The following OGG1 variants were observed in gnomAD, a reference collection of about 807,000 sequenced individuals.
OGG1 encodes 8-oxoguanine DNA glycosylase.
OGG1 carries 35 observed loss-of-function variants against 42.3 expected under a neutral mutation model. The observed-to-expected ratio is 0.83, with a 90% CI of 0.63 to 1.10. The LOEUF is 1.10. OGG1 is among the 50% of genes least tolerant of loss of function. The pLI is 0.00. For missense variants in OGG1, 484 were observed against 446.7 expected, an observed-to-expected ratio of 1.08 and a Z score of -0.75; for synonymous variants, 189 against 179.0, an observed-to-expected ratio of 1.06 and a Z score of -0.44.
At chr3:9,750,720 C>G in intron 1 of OGG1, 1 of 701,086 alleles carries the variant, frequency 1.4e-6, no homozygotes, top group Non-Finnish European at 2.4e-6. Context: ...AGCCTCGACC[C>G]CCCGGGCGCA....
exon 8 of OGG1, chr3:9,766,340 A>C: frequency 1.5e-6 from 1 of 683,560 alleles, no homozygotes; most frequent in Non-Finnish European, 2.7e-6. Context: ...CTTTTGGATT[A>C]TGTGTACAGT....
intron 3 of OGG1, among the ~76,000 whole-genome samples, chr3:9,754,285 G>T (rs1217897122): frequency 6.6e-6 from 1 of 152,226 alleles, no homozygotes; most frequent in Non-Finnish European, 1.5e-5. Context: ...CTGTCAGTGG[G>T]GTTCTTGGGA....
intron 7 of OGG1, among the ~76,000 whole-genome samples, chr3:9,763,770 G>A (rs1322449167): frequency 1.3e-5 from 2 of 152,272 alleles, no homozygotes; most frequent in Middle Eastern, 3.4e-3. Context: ...CGGATCACTT[G>A]AGGTCAGGAG....
chr3:9,771,422 C>T (rs989252654), downstream of OGG1, among the ~76,000 whole-genome samples: 23 of 152,128 alleles, frequency 1.5e-4, no homozygotes, highest in Non-Finnish European at 2.2e-4. Flanking sequence ...TTTACCTCTC[C>T]GAACCTCAGT....
intron 3 of OGG1, among the ~76,000 whole-genome samples, chr3:9,782,658 G>C (rs1234514717): frequency 1.3e-5 from 2 of 152,194 alleles, no homozygotes; most frequent in African/African-American, 4.8e-5. Flanking sequence ...TGGCATGGTA[G>C]TGCATGCCTG....
chr3:9,759,503 G>A, downstream of OGG1: 2 of 1,614,148 alleles, frequency 1.2e-6, no homozygotes, highest in Non-Finnish European at 1.7e-6. Context: ...ACTTGCTCTT[G>A]GCAAAGTTCT....
downstream of OGG1, chr3:9,789,999 G>C (rs1207100821): frequency 6.5e-7 from 1 of 1,546,542 alleles, no homozygotes; most frequent in Non-Finnish European, 8.7e-7. Flanking sequence ...AGGGGGAGAA[G>C]GGAAAACACA....
chr3:9,757,005 C>T lies in OGG1; in HGVS notation c.949-56C>T. On this transcript the variant is annotated intron_variant, in intron 6 of 6. Coordinates refer to ENST00000344629, the MANE Select transcript of OGG1 (RefSeq NM_002542.6). This position sits in a 1 kb window ranked among gnomAD's most constrained non-coding sequence, Gnocchi z 4.5. ...CACCTCCCAACACTGTCACTAGTCT[C>T]ACCAGCCCTGACCCCAGTGTACCCT... 1.9e-6 allele frequency: 3 copies of T among 1,613,406 alleles called. No individual in the cohort carries two copies. The highest frequency in any genetic ancestry group is 1.7e-5 in the Admixed American group (1 of 60,028).
intron 2 of OGG1, among the ~76,000 whole-genome samples, chr3:9,777,595 G>C (rs1458413400): frequency 2.6e-5 from 4 of 152,112 alleles, no homozygotes; most frequent in Non-Finnish European, 5.9e-5. Context: ...GCAGATAGTA[G>C]GTATGCAACA....
At chr3:9,757,506 C>G, downstream of OGG1, 1 of 1,606,566 alleles carries the variant, frequency 6.2e-7, no homozygotes. This position sits in a 1 kb window ranked among gnomAD's most constrained non-coding sequence, Gnocchi z 4.5. Flanking sequence ...CAAGCCCTCC[C>G]ACGCAGAGGA....
At position 9,757,036 on chromosome 3, in the gene OGG1, C is replaced by A; in HGVS notation, c.949-25C>A. ...CCCTGACCCCAGTGTACCCTCCTCC[C>A]CACACAGACTCCACCCTCCTACAGG... On this transcript the variant is annotated intron_variant, in intron 6 of 6. Transcript: ENST00000344629. This position sits in a 1 kb window ranked among gnomAD's most constrained non-coding sequence, Gnocchi z 4.5. The A allele has an allele frequency of 6.2e-7, 1 of 1,614,004 alleles. No individual in the cohort carries two copies. The highest frequency in any genetic ancestry group is 8.5e-7 in the Non-Finnish European group (1 of 1,180,044).
At chr3:9,757,931 G>A (rs1242974567), downstream of OGG1, 3 of 1,514,548 alleles carry the variant, frequency 2.0e-6, no homozygotes, top group African/African-American at 4.2e-5. The surrounding 1 kb of genome is among the most constrained non-coding windows in gnomAD (Gnocchi z 4.5). Context: ...TGGGATTCTT[G>A]CAATTGTTCT....
chr3:9,756,680 C>G (rs1331507659), intron 5 of OGG1, 59 bp downstream of exon 5: 4 of 1,613,094 alleles, frequency 2.5e-6, no homozygotes, highest in Non-Finnish European at 1.7e-6. Context: ...ACTTCTCTCT[C>G]TCTTAGTCAC....
Position 9,757,354 on chromosome 3 carries a change from A to G in OGG1, c.*204A>G, listed in dbSNP as rs749683919. ...GGGAGACAGCGCTAAGGATGGTTTTATCTTCCCTTTATTACAAGAAGGAAC... is the reference window on the plus strand; with the variant it reads ...GGGAGACAGCGCTAAGGATGGTTTTGTCTTCCCTTTATTACAAGAAGGAAC... On this transcript the variant is annotated 3_prime_UTR_variant, in exon 7 of 7. Coordinates refer to ENST00000344629, the MANE Select transcript of OGG1 (RefSeq NM_002542.6). This position sits in a 1 kb window ranked among gnomAD's most constrained non-coding sequence, Gnocchi z 4.5. 4 of 1,614,086 alleles carry G rather than the reference A, an allele frequency of 2.5e-6. No homozygotes were observed. The highest frequency in any genetic ancestry group is 2.5e-6 in the Non-Finnish European group (3 of 1,179,990).
At chr3:9,753,593 G>T (rs1036424372) in intron 3 of OGG1, among the ~76,000 whole-genome samples, 3 of 151,822 alleles carry the variant, frequency 2.0e-5, no homozygotes, top group Non-Finnish European at 4.4e-5. Context: ...GGCGAAGCTT[G>T]CAGTGAGCCG....
intron 7 of OGG1, chr3:9,763,275 C>G (rs114080618): frequency 1.2e-6 from 2 of 1,603,712 alleles, no homozygotes; most frequent in African/African-American, 2.7e-5. Flanking sequence ...GTCCAAGCTA[C>G]TTGGGAACTT....
chr3:9,752,160 G>A, intron 3 of OGG1: 1 of 603,364 alleles, frequency 1.7e-6, no homozygotes, highest in South Asian at 2.0e-5. Context: ...TTTGCCCAAT[G>A]GGTTCAATGC....
At chr3:9,778,488 G>A (rs1393218275) in intron 2 of OGG1, among the ~76,000 whole-genome samples, 3 of 152,214 alleles carry the variant, frequency 2.0e-5, no homozygotes, top group Admixed American at 1.3e-4. Flanking sequence ...TGATATATGT[G>A]GGAAGTCTAA....
downstream of OGG1, among the ~76,000 whole-genome samples, chr3:9,771,011 TTCTC>T (rs1199916887): frequency 5.3e-5 from 8 of 151,938 alleles, no homozygotes; most frequent in Admixed American, 6.6e-5. Flanking sequence ...TTTTCTTTCT[TTCTC>T]TTCTTCTTTT....
Sources: allele counts gnomAD v4.1 joint callset (sites outside exome capture counted in the v4.1 genomes callset), GRCh38; gene constraint gnomAD v4.1.1; non-coding constraint Gnocchi (gnomAD v3.1); transcripts MANE v1.5; gene names NCBI Gene and HGNC (gene_info 2026-07-23, HGNC 2026-07-21).